PNPLA8: variants seen among roughly 807,000 people sequenced by gnomAD.
The protein encoded by PNPLA8 is patatin like domain 8, phospholipase A2.
PNPLA8 carries 39 observed loss-of-function variants against 76.9 expected under a neutral mutation model. The observed-to-expected ratio is 0.51, with a 90% CI of 0.39 to 0.66. The LOEUF (loss-of-function observed/expected upper bound fraction) is 0.66. PNPLA8 is among the 30% of genes least tolerant of loss of function. The pLI is 0.00. For synonymous variants in PNPLA8, 301 were observed against 307.9 expected (o/e 0.98, Z 0.24); for missense variants, 887 against 918.0 (o/e 0.97, Z 0.44).
intron 8 of PNPLA8, among the ~76,000 whole-genome samples, chr7:108,490,891 T>A (rs1277022244): frequency 6.6e-6 from 1 of 152,258 alleles, no homozygotes; most frequent in African/African-American, 2.4e-5. Flanking sequence ...CCATCTTTCA[T>A]GTTCTTCCAT....
In PNPLA8 at chr7:108,487,775, C is replaced by T; in HGVS notation, c.1862G>A (p.Gly621Glu). The T allele has an allele frequency of 2.5e-6, 4 of 1,602,928 alleles. No homozygotes were observed. Among genetic ancestry groups the T allele is most frequent in the Non-Finnish European group, 3.4e-6 (4 of 1,175,116 alleles). ...TCAACTTACTTGATGAAGATCATTT[C>T]CCAATGCATATTCTGCAAAGTAGCC... The part of the protein sequence containing the change: ...APGYFAEYAL[G>E]NDLHQDGGLL... The change falls in exon 9 of 11, where the codon GGA (glycine) becomes GAA (glutamate). Residue 621 changes from glycine (G) to glutamate (E), a missense_variant. By Grantham distance (98) the Gly-to-Glu change is moderately conservative (BLOSUM62 -2). Coordinates refer to ENST00000257694, the MANE Select transcript of PNPLA8 (RefSeq NM_001256007.3).
At chr7:108,499,096 A>G (rs1861765323) in intron 5 of PNPLA8, among the ~76,000 whole-genome samples, 1 of 152,232 alleles carries the variant, frequency 6.6e-6, no homozygotes, top group South Asian at 2.1e-4. Context: ...GACATGATGA[A>G]TTAAATGTAA....
At chr7:108,512,290 G>A (rs1862991716) in intron 4 of PNPLA8, among the ~76,000 whole-genome samples, 1 of 151,956 alleles carries the variant, frequency 6.6e-6, no homozygotes, top group South Asian at 2.1e-4. Flanking sequence ...GTAATCTGAG[G>A]GTAAAATATA....
At chr7:108,485,067 T>C in intron 9 of PNPLA8, among the ~76,000 whole-genome samples, 1 of 152,312 alleles carries the variant, frequency 6.6e-6, no homozygotes, top group East Asian at 1.9e-4. Context: ...AAAACTTTTG[T>C]GATGTAAATA....
Position 108,472,480 on chromosome 7 carries a change from G to A in PNPLA8, c.2270C>T (p.Thr757Ile). 6.2e-7 allele frequency: 1 copy of A among 1,603,416 alleles called. No homozygotes were observed. The highest frequency in any genetic ancestry group is 2.2e-5 in the East Asian group (1 of 44,776). The change falls in exon 11 of 11, where the codon ACA becomes ATA. Residue 757 changes from threonine (T) to isoleucine (I), a missense_variant. By Grantham distance (89) the Thr-to-Ile change is moderately conservative. Transcript: ENST00000257694. ...CCAATCATTAATTTTCTGCAGAGTT[G>A]TTTTTTCTTGACTTAATATTTTTGC... The part of the protein sequence containing the change: ...KVAKILSQEK[T>I]TLQKINDWIK...
chr7:108,484,310 T>G (rs1196036805), intron 9 of PNPLA8, among the ~76,000 whole-genome samples: 1 of 152,200 alleles, frequency 6.6e-6, no homozygotes, highest in Non-Finnish European at 1.5e-5. Context: ...AGCCTACTCT[T>G]GTCAGATGGC....
intron 8 of PNPLA8, among the ~76,000 whole-genome samples, chr7:108,488,857 A>C (rs1860936331): frequency 6.6e-6 from 1 of 152,218 alleles, no homozygotes; most frequent in African/African-American, 2.4e-5. Context: ...ATACAAACTT[A>C]AGAGGCTGAC....
intron 10 of PNPLA8, among the ~76,000 whole-genome samples, chr7:108,476,433 T>C (rs569101960): frequency 6.6e-6 from 1 of 152,144 alleles, no homozygotes; most frequent in South Asian, 2.1e-4. Context: ...AAAACCACAA[T>C]GAGATCCCAC....
At chr7:108,492,591 G>T (rs1861261402) in intron 7 of PNPLA8, among the ~76,000 whole-genome samples, 2 of 151,796 alleles carry the variant, frequency 1.3e-5, no homozygotes, top group African/African-American at 4.8e-5. Context: ...AATGGTAATT[G>T]TTTATTTCCG....
chr7:108,480,560 G>C (rs1243594388), intron 9 of PNPLA8, among the ~76,000 whole-genome samples: 2 of 152,102 alleles, frequency 1.3e-5, no homozygotes, highest in Non-Finnish European at 2.9e-5. Flanking sequence ...GATGTCACTG[G>C]TGCTTGGCAT....
At chr7:108,478,542 T>C (rs925807276) in intron 10 of PNPLA8, among the ~76,000 whole-genome samples, 1 of 152,002 alleles carries the variant, frequency 6.6e-6, no homozygotes, top group Non-Finnish European at 1.5e-5. Context: ...AGGTGCACAC[T>C]ACCATGCCTG....
chr7:108,515,843 G>A (rs886995524), intron 2 of PNPLA8, among the ~76,000 whole-genome samples: 9 of 152,294 alleles, frequency 5.9e-5, no homozygotes, highest in East Asian at 5.8e-4. Context: ...TAAGTCTTCC[G>A]TTGCACAACA....
At chr7:108,501,752 A>G (rs1452015472) in intron 5 of PNPLA8, among the ~76,000 whole-genome samples, 1 of 152,178 alleles carries the variant, frequency 6.6e-6, no homozygotes, top group Non-Finnish European at 1.5e-5. Flanking sequence ...TGAACTTGGG[A>G]GGCAGAGGTT....
intron 2 of PNPLA8, among the ~76,000 whole-genome samples, chr7:108,519,468 A>T (rs1863586574): frequency 6.6e-6 from 1 of 152,222 alleles, no homozygotes; most frequent in Non-Finnish European, 1.5e-5. Context: ...GTTTTACTGC[A>T]GGACCTAGAG....
chr7:108,502,846 A>T (rs1230451960), intron 4 of PNPLA8: 1 of 371,530 alleles, frequency 2.7e-6, no homozygotes, highest in East Asian at 4.1e-5. Flanking sequence ...TATTGAGGAC[A>T]AAAATTAACC....
chr7:108,472,683 AGC>A lies in PNPLA8; in HGVS notation c.2075-10_2075-9del. ...CAAGCATTATATGGACTTCTGTTAAAGCAAAAAAGAAAAGGATAAGGGGATAA... is the reference window on the plus strand; with the variant it reads ...CAAGCATTATATGGACTTCTGTTAAAAAAAAAGAAAAGGATAAGGGGATAA... On this transcript the variant is annotated splice_polypyrimidine_tract_variant and intron_variant, in intron 10 of 10. Transcript: ENST00000257694. 1 of 1,557,136 alleles carries A rather than the reference AGC, an allele frequency of 6.4e-7. No individual in the cohort carries two copies. Among genetic ancestry groups the A allele is most frequent in the Admixed American group, 2.2e-5 (1 of 45,634 alleles).
At chr7:108,498,141 A>C (rs1359091441) in intron 5 of PNPLA8, among the ~76,000 whole-genome samples, 1 of 151,728 alleles carries the variant, frequency 6.6e-6, no homozygotes. Flanking sequence ...AACAAAAAAA[A>C]AAACAAAAAA....
At chr7:108,497,344 CAAAA>C (rs946283043) in intron 6 of PNPLA8, 135 bp downstream of exon 6, 100 of 544,666 alleles carry the variant, frequency 1.8e-4, no homozygotes, top group Admixed American at 7.9e-4. Context: ...GAACAAAAGA[CAAAA>C]AAGGAAGTAC....
At chr7:108,479,513 G>C in intron 9 of PNPLA8, 134 bp from the exon 10 acceptor site, 1 of 636,608 alleles carries the variant, frequency 1.6e-6, no homozygotes, top group South Asian at 2.1e-5. Context: ...GACTACAGCT[G>C]CAAAAAAATC....
Sources: gnomAD v4.1 joint callset for allele counts (sites outside exome capture counted in the v4.1 genomes callset) on GRCh38, gnomAD v4.1.1 for gene constraint, MANE v1.5 for transcripts, NCBI Gene and HGNC (gene_info 2026-07-23, HGNC 2026-07-21) for gene names.